Variants in CCL25 observed in about 807,000 individuals in gnomAD.
The protein encoded by CCL25 is C-C motif chemokine 25.
A neutral mutation model predicts 19.9 loss-of-function variants in CCL25; 14 were observed. The ratio of observed to expected loss-of-function variants is 0.70; its 90% CI spans 0.47 to 1.10. The LOEUF is 1.10. Among genes scored for constraint, CCL25 ranks in the 50% least tolerant of loss-of-function variants. CCL25 has a pLI of 0.00. For missense variants in CCL25, 151 were observed against 181.2 expected (o/e 0.83, Z 0.96); for synonymous variants, 68 against 73.2 (o/e 0.93, Z 0.36).
intron 2 of CCL25, among the ~76,000 whole-genome samples, chr19:8,053,412 A>G (rs2081246818): frequency 1.3e-5 from 2 of 152,084 alleles, no homozygotes; most frequent in Non-Finnish European, 2.9e-5. Flanking sequence ...AGTTACTGCC[A>G]GGGATGTATT....
At chr19:8,054,545 A>G (rs957650306) in intron 2 of CCL25, among the ~76,000 whole-genome samples, 4 of 151,882 alleles carry the variant, frequency 2.6e-5, no homozygotes, top group African/African-American at 9.7e-5. Context: ...ATTGCAGAGA[A>G]CTCCAAAGGC....
chr19:8,054,038 G>A (rs763919913), intron 2 of CCL25, among the ~76,000 whole-genome samples: 3 of 152,310 alleles, frequency 2.0e-5, no homozygotes, highest in Non-Finnish European at 4.4e-5. Context: ...ACTCCCTACC[G>A]CAGAGCAAGC....
At chr19:8,059,055 TATAA>T (rs1186812043) in intron 5 of CCL25, among the ~76,000 whole-genome samples, 1 of 102,704 alleles carries the variant, frequency 9.7e-6, no homozygotes, top group Non-Finnish European at 1.9e-5. Flanking sequence ...ATATGTAATA[TATAA>T]ATATATATAA....
chr19:8,060,685 A>AT (rs768184366), intron 5 of CCL25, among the ~76,000 whole-genome samples: 5,001 of 141,582 alleles, frequency 0.035, 270 homozygotes, highest in African/African-American at 0.11. Flanking sequence ...CTTACCAGGG[A>AT]TTTTTTTTTT....
intron 4 of CCL25, 74 bp from the exon 5 acceptor site, chr19:8,057,727 T>C: frequency 2.0e-6 from 3 of 1,509,928 alleles, no homozygotes; most frequent in Non-Finnish European, 2.7e-6. Context: ...GTCAACAGCT[T>C]CAGGCTCAGC....
In CCL25 at chr19:8,055,399, G is replaced by A. The variant is rs538640160; in HGVS notation, c.74-753G>A. 1.4e-4 allele frequency among the ~76,000 whole-genome samples: 21 copies of A among 149,208 alleles called. No individual in the cohort carries two copies. The South Asian group carries it at 1.9e-3, about 14-fold the overall frequency. The stretch of plus-strand genomic sequence containing the variant: ...CGCCCAGGCTGGAGTGCAGTGGCGC[G>A]ATCTCGGCTCACTGCAAGCTCTGCC... On this transcript the variant is annotated intron_variant, in intron 2 of 5. Transcript: ENST00000315626.
At chr19:8,053,689 C>T (rs918643034) in intron 2 of CCL25, among the ~76,000 whole-genome samples, 1 of 151,900 alleles carries the variant, frequency 6.6e-6, no homozygotes, top group Admixed American at 6.6e-5. Context: ...GCTGGGACTA[C>T]AGGCGTGTGT....
chr19:8,055,233 G>A (rs1359528274), intron 2 of CCL25, among the ~76,000 whole-genome samples: 1 of 127,226 alleles, frequency 7.9e-6, no homozygotes, highest in East Asian at 2.9e-4. Context: ...AGGTTGCAGT[G>A]AGCTGAAATT....
At position 8,056,180 on chromosome 19, in the gene CCL25, C is replaced by A. The variant is rs768215534; in HGVS notation, c.102C>A (p.Tyr34Ter). ...TCTTTGAGGACTGCTGCCTGGCCTACCACTACCCCATTGGGTGGGCTGTGC... is the reference window on the plus strand; with the variant it reads ...TCTTTGAGGACTGCTGCCTGGCCTAACACTACCCCATTGGGTGGGCTGTGC... Reference protein sequence around the residue: ...QGVFEDCCLAYHYPIGWAVLR... With the variant: ...QGVFEDCCLA Residue 34 changes from tyrosine to a stop codon, truncating the protein, a stop_gained, in exon 3 of 6, where the codon TAC becomes TAA. Coordinates refer to ENST00000315626, the MANE Select transcript of CCL25 (RefSeq NM_005624.4). LOFTEE classifies it high-confidence loss of function. 6.4e-7 allele frequency: 1 copy of A among 1,557,858 alleles called. No individual in the cohort carries two copies.
chr19:8,053,044 T>C lies in CCL25; in HGVS notation c.-6T>C, dbSNP rs1211186733. The C allele has an allele frequency of 6.5e-7, 1 of 1,549,880 alleles. No homozygotes were observed. Among genetic ancestry groups the C allele is most frequent in the East Asian group, 2.4e-5 (1 of 41,010 alleles). The stretch of plus-strand genomic sequence containing the variant: ...AGGTGCCCAGGGAGGAGGACCCGCC[T>C]GCAGCATGAACCTGTGGCTCCTGGC... On this transcript the variant is annotated 5_prime_UTR_variant, in exon 2 of 6. Coordinates refer to ENST00000315626, the MANE Select transcript of CCL25 (RefSeq NM_005624.4).
chr19:8,061,683 G>GAATTCA lies in CCL25; in HGVS notation c.446-532_446-527dup, dbSNP rs1157196886. On this transcript the variant is annotated intron_variant, in intron 5 of 5. Transcript: ENST00000315626. ...GATCCAGAGCTCTGTGTCAGAAACA[G>GAATTCA]AATTCAAAGACCAAATATTAGCACA... Among the ~76,000 whole-genome samples, 21 of 152,012 alleles carry GAATTCA rather than the reference G, an allele frequency of 1.4e-4. No individual in the cohort carries two copies. In the East Asian group the frequency reaches 2.7e-3, roughly 20 times the overall value.
Position 8,055,581 on chromosome 19 carries a change from A to G in CCL25, c.74-571A>G, listed in dbSNP as rs575560874. 9.8e-4 allele frequency among the ~76,000 whole-genome samples: 148 copies of G among 151,492 alleles called. 4 individuals are homozygous for G. The highest frequency in any genetic ancestry group is 2.8e-3 in the East Asian group (14 of 5,050). ...AATCTCCTGACCTCGTGATCCGCCCACCTTGGCCTCCCAAAGTGCTGGGAT... is the reference window on the plus strand; with the variant it reads ...AATCTCCTGACCTCGTGATCCGCCCGCCTTGGCCTCCCAAAGTGCTGGGAT... On this transcript the variant is annotated intron_variant, in intron 2 of 5. Coordinates refer to ENST00000315626, the MANE Select transcript of CCL25 (RefSeq NM_005624.4).
At chr19:8,057,502 T>C (rs1192469012) in intron 4 of CCL25, among the ~76,000 whole-genome samples, 2 of 152,116 alleles carry the variant, frequency 1.3e-5, no homozygotes, top group Admixed American at 1.3e-4. Flanking sequence ...GGTAATTTTT[T>C]ATTTTCATTT....
Position 8,060,996 on chromosome 19 carries a change from T to C in CCL25, c.446-1222T>C, listed in dbSNP as rs1430442159. ...TGCCCGGCCTAATTTTTTTTTTTTT[T>C]TTTTTTTGAGACAGAGTCTCACTCT... On this transcript the variant is annotated intron_variant, in intron 5 of 5. Coordinates refer to ENST00000315626, the MANE Select transcript of CCL25 (RefSeq NM_005624.4). Among the ~76,000 whole-genome samples, 3 of 143,376 alleles carry C rather than the reference T, an allele frequency of 2.1e-5. 1 individual carries two copies. The highest frequency in any genetic ancestry group is 7.0e-5 in the Admixed American group (1 of 14,308). The allele number at this position is 143,376 out of a possible 152,430, so 94.1% of individuals were successfully genotyped here. A position where few individuals can be genotyped will look rare whatever the true frequency, so the allele number is the denominator to read the frequency against.
upstream of CCL25, chr19:8,052,706 G>A: frequency 3.8e-6 from 1 of 259,800 alleles, no homozygotes; most frequent in Non-Finnish European, 7.2e-6. Context: ...GGCGGGCAGG[G>A]GGTGGCTGGG....
intron 3 of CCL25, 33 bp downstream of exon 3, chr19:8,056,302 G>GGGGGGGCCCCCC: frequency 1.7e-6 from 1 of 593,338 alleles, no homozygotes; most frequent in Non-Finnish European, 3.2e-6. Flanking sequence ...GGGGGGTGGG[G>GGGGGGGCCCCCC]TGCACACACA....
In CCL25 at chr19:8,056,470, AG is replaced by A; in HGVS notation, c.297del (p.Lys99AsnfsTer16). On this transcript the variant is annotated frameshift_variant, in exon 4 of 6. Coordinates refer to ENST00000315626, the MANE Select transcript of CCL25 (RefSeq NM_005624.4). LOFTEE classifies it high-confidence loss of function. ...GATGCTCGAAATAAGGTTTTTGCAAAGCTCCACCACAACACGCAGACCTTCC... is the reference window on the plus strand; with the variant it reads ...GATGCTCGAAATAAGGTTTTTGCAAACTCCACCACAACACGCAGACCTTCC... Reference protein sequence around the residue: ...LLDARNKVFAKLHHNTQTFQA... With the variant: ...LLDARNKVFAXLHHNTQTFQA... 1 of 1,614,092 alleles carries A rather than the reference AG, an allele frequency of 6.2e-7. No homozygotes were observed. Among genetic ancestry groups the A allele is most frequent in the Non-Finnish European group, 8.5e-7 (1 of 1,180,010 alleles).
At position 8,056,226 on chromosome 19, in the gene CCL25, C is replaced by T. The variant is rs115082157; in HGVS notation, c.148C>T (p.Arg50Trp). ...TGTGCTCCGGCGCGCCTGGACTTACCGGATCCAGGAGGTGAGCGGGAGCTG... is the reference window on the plus strand; with the variant it reads ...TGTGCTCCGGCGCGCCTGGACTTACTGGATCCAGGAGGTGAGCGGGAGCTG... The part of the protein sequence containing the change: ...WAVLRRAWTY[R>W]IQEVSGSCNL... Residue 50 changes from arginine to tryptophan, a missense_variant, in exon 3 of 6, where the codon CGG becomes TGG. Transcript: ENST00000315626. The T allele has an allele frequency of 5.6e-4, 872 of 1,553,662 alleles. 5 individuals carry two copies. The African/African-American group carries it at 0.012, about 21-fold the overall frequency.
intron 2 of CCL25, 38 bp from the exon 3 acceptor site, chr19:8,056,114 G>C: frequency 7.2e-7 from 1 of 1,394,314 alleles, no homozygotes; most frequent in South Asian, 1.4e-5. Flanking sequence ...AAGTTAACAT[G>C]CAAGGGTGCG....
Sources: gnomAD v4.1 joint callset for allele counts (sites outside exome capture counted in the v4.1 genomes callset) on GRCh38, gnomAD v4.1.1 for gene constraint, MANE v1.5 for transcripts, NCBI Gene and HGNC (gene_info 2026-07-23, HGNC 2026-07-21) for gene names.